Variants in NWD2 observed in about 807,000 individuals in gnomAD.
NWD2 encodes the protein NACHT and WD repeat domain-containing protein 2.
In NWD2, 37 loss-of-function variants were observed where a neutral mutation model predicts 132.7. The ratio of observed to expected loss-of-function variants is 0.28; its 90% CI spans 0.21 to 0.37. The LOEUF (loss-of-function observed/expected upper bound fraction) is 0.37, where lower values mean the gene tolerates loss of function less well. NWD2 is among the 10% of genes least tolerant of loss of function. The pLI is 1.00. For synonymous variants in NWD2, 705 were observed against 803.0 expected (o/e 0.88, Z 2.06); for missense variants, 1,592 against 2,122.4 (o/e 0.75, Z 4.91).
chr4:37,252,640 A>G (rs12498935), intron 1 of NWD2, among the ~76,000 whole-genome samples: 5,398 of 152,292 alleles, frequency 0.035, 265 homozygotes, highest in East Asian at 0.2. Flanking sequence ...AGCTAAGCCT[A>G]GACTTGGCTG....
At chr4:37,258,404 G>C (rs1380067999) in intron 1 of NWD2, among the ~76,000 whole-genome samples, 1 of 152,220 alleles carries the variant, frequency 6.6e-6, no homozygotes, top group Non-Finnish European at 1.5e-5. Flanking sequence ...TGGAGTTGGA[G>C]GTGGTTGCAG....
At chr4:37,400,256 C>T (rs189454864) in intron 3 of NWD2, among the ~76,000 whole-genome samples, 100 of 152,308 alleles carry the variant, frequency 6.6e-4, no homozygotes, top group African/African-American at 2.4e-3. Flanking sequence ...TCAGAGCTAA[C>T]AGGTCAATTT....
chr4:37,428,341 C>A (rs1031772350), intron 3 of NWD2, among the ~76,000 whole-genome samples: 2 of 152,112 alleles, frequency 1.3e-5, no homozygotes, highest in Admixed American at 1.3e-4. Flanking sequence ...AAGAAAAATG[C>A]CCCCAGATTG....
Position 37,433,982 on chromosome 4 carries a change from A to G in NWD2, c.668A>G (p.Lys223Arg). ...AAVKLLHEKG[K>R]MKHSQAKRYL... ...GTAAAGCTGTTACACGAAAAGGGTA[A>G]AATGAAACACAGCCAGGCTAAGAGG... is the stretch of plus-strand genomic sequence containing the variant. Residue 223 changes from lysine (K) to arginine (R), a missense_variant, in exon 5 of 7, where the codon AAA (lysine) becomes AGA (arginine). Lys to Arg is a conservative substitution (Grantham distance 26, BLOSUM62 2). Around this residue, in one of 7 missense-constraint regions of NWD2, gnomAD observed 144 missense variants for 185.7 expected, o/e 0.78. Coordinates refer to ENST00000309447, the MANE Select transcript of NWD2 (RefSeq NM_001144990.2). 1.3e-6 allele frequency: 2 copies of G among 1,550,672 alleles called. No homozygotes were observed. The highest frequency in any genetic ancestry group is 1.7e-6 in the Non-Finnish European group (2 of 1,146,322).
rs943214613 is a variant in NWD2, at chr4:37,246,174, G to A, written c.151+956G>A. 2.6e-5 allele frequency among the ~76,000 whole-genome samples: 4 copies of A among 152,198 alleles called. 1 individual carries two copies. Among genetic ancestry groups the A allele is most frequent in the Non-Finnish European group, 5.9e-5 (4 of 68,046 alleles). ...AAAGATTTGAGAATTAACGTTTTCT[G>A]CACTCTAACAAGCCTTGAGTCGAAA... On this transcript the variant is annotated intron_variant, in intron 1 of 6. Coordinates refer to ENST00000309447, the MANE Select transcript of NWD2 (RefSeq NM_001144990.2).
chr4:37,396,501 G>A (rs1224806282), intron 3 of NWD2, among the ~76,000 whole-genome samples: 1 of 152,166 alleles, frequency 6.6e-6, no homozygotes, highest in East Asian at 1.9e-4. Context: ...TTCTTTACAA[G>A]GGAAGCAGGA....
chr4:37,259,226 A>G (rs536779558), intron 1 of NWD2, among the ~76,000 whole-genome samples: 1 of 152,308 alleles, frequency 6.6e-6, no homozygotes, highest in Admixed American at 6.5e-5. Flanking sequence ...AAAGAAATGC[A>G]ACTCTATGTT....
At chr4:37,277,943 T>A (rs757213065) in intron 1 of NWD2, among the ~76,000 whole-genome samples, 1 of 152,170 alleles carries the variant, frequency 6.6e-6, no homozygotes, top group Non-Finnish European at 1.5e-5. Context: ...TGCAGTATGA[T>A]TCCACTGATA....
intron 3 of NWD2, among the ~76,000 whole-genome samples, chr4:37,413,924 GA>G (rs1373554674): frequency 6.6e-6 from 1 of 151,968 alleles, no homozygotes; most frequent in Non-Finnish European, 1.5e-5. Flanking sequence ...TGAACAATGA[GA>G]ACACATGGAC....
intron 3 of NWD2, among the ~76,000 whole-genome samples, chr4:37,429,704 T>C (rs898443154): frequency 6.6e-6 from 1 of 152,264 alleles, no homozygotes; most frequent in African/African-American, 2.4e-5. Context: ...TATAGTTGTA[T>C]GATACAATTT....
chr4:37,437,458 T>G (rs558321604), intron 5 of NWD2, among the ~76,000 whole-genome samples: 9 of 152,310 alleles, frequency 5.9e-5, no homozygotes, highest in African/African-American at 2.2e-4. Flanking sequence ...TAATCAGGTT[T>G]CAACATATAA....
chr4:37,414,383 T>C (rs1407392204), intron 3 of NWD2, among the ~76,000 whole-genome samples: 3 of 151,652 alleles, frequency 2.0e-5, no homozygotes, highest in African/African-American at 7.3e-5. Flanking sequence ...CACTACTGCC[T>C]ACACTAGACT....
At position 37,245,006 on chromosome 4, in the gene NWD2, G is replaced by C. The variant is rs1238446145; in HGVS notation, c.-62G>C. 13 of 1,534,044 alleles carry C rather than the reference G, an allele frequency of 8.5e-6. No homozygotes were observed. In the Admixed American group the frequency reaches 2.2e-4, roughly 26 times the overall value. ...CTGCTGAGCCGTTCCGTGGAGCTGC[G>C]GGCAGGAACCCGAGGAGCAGGAGGT... On this transcript the variant is annotated 5_prime_UTR_variant, in exon 1 of 7. Transcript: ENST00000309447.
chr4:37,309,979 T>C (rs1282252251), intron 1 of NWD2, among the ~76,000 whole-genome samples: 1 of 152,172 alleles, frequency 6.6e-6, no homozygotes, highest in African/African-American at 2.4e-5. Context: ...TTCTAGCTGG[T>C]GAAGATTTAT....
At chr4:37,249,359 A>G (rs932331908) in intron 1 of NWD2, among the ~76,000 whole-genome samples, 1 of 152,202 alleles carries the variant, frequency 6.6e-6, no homozygotes, top group African/African-American at 2.4e-5. Context: ...CTTTTGTTGG[A>G]GAATATGGTT....
chr4:37,317,281 T>A (rs1487025987), intron 1 of NWD2, among the ~76,000 whole-genome samples: 1 of 152,228 alleles, frequency 6.6e-6, no homozygotes, highest in Admixed American at 6.5e-5. Flanking sequence ...TCAATCTTTC[T>A]TAAGTTTGTG....
intron 2 of NWD2, among the ~76,000 whole-genome samples, chr4:37,356,067 A>AAATTCTGTT (rs1340464009): frequency 1.3e-5 from 2 of 152,154 alleles, no homozygotes; most frequent in Non-Finnish European, 2.9e-5. Context: ...TCAAACCTTA[A>AAATTCTGTT]AATTCTGTTT....
chr4:37,292,253 T>C, intron 1 of NWD2, among the ~76,000 whole-genome samples: 1 of 152,006 alleles, frequency 6.6e-6, no homozygotes, highest in Non-Finnish European at 1.5e-5. Flanking sequence ...AAAATTTATA[T>C]GTTGAAAATG....
chr4:37,333,201 A>G (rs543433111), intron 2 of NWD2, among the ~76,000 whole-genome samples: 1 of 152,300 alleles, frequency 6.6e-6, no homozygotes, highest in Non-Finnish European at 1.5e-5. Context: ...CCTGGCTGGC[A>G]TCACCACCTG....
Sources: gnomAD v4.1 joint callset for allele counts (sites outside exome capture counted in the v4.1 genomes callset) on GRCh38, gnomAD v4.1.1 for gene constraint, gnomAD v4.1.1 regional missense constraint, MANE v1.5 for transcripts, NCBI Gene and HGNC (gene_info 2026-07-23, HGNC 2026-07-21) for gene names.